The following PRKCA variants were observed in gnomAD, a reference collection of about 807,000 sequenced individuals.
The protein encoded by PRKCA is protein kinase C alpha type.
A neutral mutation model predicts 87.0 loss-of-function variants in PRKCA; 27 were observed. The ratio of observed to expected loss-of-function variants is 0.31; its 90% CI spans 0.23 to 0.43. The LOEUF (loss-of-function observed/expected upper bound fraction) is 0.43, where lower values mean the gene tolerates loss of function less well. PRKCA is among the 20% of genes least tolerant of loss of function. The probability of loss-of-function intolerance (pLI) is 1.00; values close to 1 mark genes in which losing one functional copy is unlikely to be tolerated. For synonymous variants in PRKCA, 329 were observed against 311.1 expected (o/e 1.06, Z -0.61); for missense variants, 518 against 852.3 (o/e 0.61, Z 4.88).
At chr17:66,303,351 C>T (rs947844083) in intron 1 of PRKCA, among the ~76,000 whole-genome samples, 1 of 152,282 alleles carries the variant, frequency 6.6e-6, no homozygotes, top group East Asian at 1.9e-4. Flanking sequence ...CGGCCGCTTG[C>T]CGGGGTGTGA....
intron 14 of PRKCA, among the ~76,000 whole-genome samples, chr17:66,781,866 G>GATATATATATATATAT (rs766995438): frequency 1.1e-4 from 14 of 132,796 alleles, no homozygotes; most frequent in African/African-American, 2.7e-4. Context: ...GAGAGAGAGA[G>GATATATATATATATAT]AGATATATAT....
chr17:66,385,916 C>A (rs1245276116), intron 2 of PRKCA, among the ~76,000 whole-genome samples: 1 of 152,170 alleles, frequency 6.6e-6, no homozygotes, highest in Non-Finnish European at 1.5e-5. Flanking sequence ...CACCACCACA[C>A]CCAGCTAATT....
At chr17:66,613,779 CTTTTT>C (rs57610655) in intron 3 of PRKCA, among the ~76,000 whole-genome samples, 3 of 69,416 alleles carry the variant, frequency 4.3e-5, no homozygotes, top group African/African-American at 6.1e-5. Flanking sequence ...TGACTTCATC[CTTTTT>C]TTTTTTTTTT....
intron 13 of PRKCA, among the ~76,000 whole-genome samples, chr17:66,748,441 A>T (rs1474338054): frequency 6.6e-6 from 1 of 152,186 alleles, no homozygotes; most frequent in Non-Finnish European, 1.5e-5. Flanking sequence ...CATATTAAAG[A>T]TGGGAGGAAT....
At chr17:66,582,693 G>A (rs1383889132) in intron 3 of PRKCA, among the ~76,000 whole-genome samples, 3 of 152,138 alleles carry the variant, frequency 2.0e-5, no homozygotes, top group African/African-American at 7.2e-5. Context: ...ACTAACACAG[G>A]ATTCTAGGCC....
At chr17:66,660,923 T>A (rs116585219) in intron 5 of PRKCA, among the ~76,000 whole-genome samples, 3,141 of 151,488 alleles carry the variant, frequency 0.021, 85 homozygotes, top group East Asian at 0.078. Flanking sequence ...ATAAATTAAT[T>A]AATTAATTAA....
chr17:66,384,956 C>T (rs1598629919), intron 2 of PRKCA, among the ~76,000 whole-genome samples: 6 of 152,122 alleles, frequency 3.9e-5, no homozygotes, highest in Admixed American at 3.3e-4. Flanking sequence ...AGTATGTGTC[C>T]GTAAATGCCT....
chr17:66,775,176 C>G (rs933919073), intron 14 of PRKCA: 2 of 963,258 alleles, frequency 2.1e-6, no homozygotes, highest in Admixed American at 6.2e-5. Context: ...TGGTCAGTGC[C>G]CACCCCCACA....
chr17:66,370,834 T>C (rs1024044013), intron 2 of PRKCA, among the ~76,000 whole-genome samples: 28 of 152,124 alleles, frequency 1.8e-4, no homozygotes, highest in African/African-American at 6.8e-4. Flanking sequence ...GAGAAGAATA[T>C]TGATGCCTAG....
chr17:66,322,678 T>C (rs1453111570), intron 2 of PRKCA, among the ~76,000 whole-genome samples: 3 of 150,996 alleles, frequency 2.0e-5, no homozygotes, highest in Non-Finnish European at 3.0e-5. Context: ...CTTGCTATGT[T>C]GTCCAGGTTG....
In PRKCA at chr17:66,775,461, G is replaced by A. The variant is rs570344807; in HGVS notation, c.1605+1394G>A. On this transcript the variant is annotated intron_variant, in intron 14 of 16. Transcript: ENST00000413366. The stretch of plus-strand genomic sequence containing the variant: ...GGCAGGAAGTATAGCATATCTGAGA[G>A]CTCAGCAGGGGAAGCAGGCTTGGTA... The A allele has an allele frequency of 2.0e-5, 20 of 985,422 alleles. No homozygotes were observed. In the South Asian group the frequency reaches 8.9e-4, roughly 44 times the overall value. 61.0% of individuals were successfully genotyped at this position (985,422 alleles called of 1,614,324 possible). A position where few individuals can be genotyped will look rare whatever the true frequency, so the allele number is the denominator to read the frequency against.
intron 2 of PRKCA, among the ~76,000 whole-genome samples, chr17:66,355,582 T>C (rs186910229): frequency 6.6e-6 from 1 of 152,316 alleles, no homozygotes; most frequent in East Asian, 1.9e-4. Context: ...ATTTCGACTT[T>C]TGAGAGTCAG....
At chr17:66,660,240 G>A (rs1971856369) in intron 5 of PRKCA, among the ~76,000 whole-genome samples, 2 of 152,202 alleles carry the variant, frequency 1.3e-5, no homozygotes, top group South Asian at 4.1e-4. Context: ...TCCAAGGGCT[G>A]TGTGCCAGTG....
intron 2 of PRKCA, among the ~76,000 whole-genome samples, chr17:66,375,462 G>A (rs1180968185): frequency 6.6e-6 from 1 of 152,096 alleles, no homozygotes; most frequent in Non-Finnish European, 1.5e-5. Context: ...TGGAGTCGAT[G>A]GTGCTTCTAG....
At chr17:66,555,129 C>T (rs1029021595) in intron 3 of PRKCA, among the ~76,000 whole-genome samples, 1 of 152,192 alleles carries the variant, frequency 6.6e-6, no homozygotes, top group Non-Finnish European at 1.5e-5. Flanking sequence ...CCACCTGCCT[C>T]GGCCTCCCAA....
Position 66,689,008 on chromosome 17 carries a change from G to T in PRKCA, c.879G>T (p.Gly293=). 1.2e-6 allele frequency: 2 copies of T among 1,602,000 alleles called. No homozygotes were observed. The highest frequency in any genetic ancestry group is 1.7e-6 in the Non-Finnish European group (2 of 1,174,812). The change falls in exon 8 of 17, where the codon GGG becomes GGT. Residue 293 remains glycine (G), a synonymous_variant. Transcript: ENST00000413366. The surrounding 1 kb of genome is among the most constrained non-coding windows in gnomAD (Gnocchi z 4.1). ...ACTACAACGTACCCATTCCGGAAGG[G>T]GACGAGGAAGGAAACATGGAACTCA... is the stretch of plus-strand genomic sequence containing the variant. ...GEYYNVPIPE[G]DEEGNMELRQ...
intron 5 of PRKCA, among the ~76,000 whole-genome samples, chr17:66,678,943 CAGAG>C (rs889319259): frequency 1.9e-4 from 29 of 151,532 alleles, no homozygotes; most frequent in African/African-American, 4.8e-4. Flanking sequence ...GTAACTGCAG[CAGAG>C]AGAGAGAGAA....
chr17:66,521,306 A>T lies in PRKCA; in HGVS notation c.288+25023A>T, dbSNP rs186032816. On this transcript the variant is annotated intron_variant, in intron 3 of 16. Coordinates refer to ENST00000413366, the MANE Select transcript of PRKCA (RefSeq NM_002737.3). The stretch of plus-strand genomic sequence containing the variant: ...ATAATGTCATATTATAGTGATGGCG[A>T]TCTATAGTGTAAAGTATAATGACCA... Among the ~76,000 whole-genome samples the T allele has an allele frequency of 6.3e-3, 965 of 152,252 alleles. 30 individuals carry two copies. The highest frequency in any genetic ancestry group is 0.055 in the Admixed American group (842 of 15,288).
chr17:66,611,975 C>T (rs1348440981), intron 3 of PRKCA, among the ~76,000 whole-genome samples: 5 of 151,896 alleles, frequency 3.3e-5, no homozygotes, highest in Non-Finnish European at 7.4e-5. Flanking sequence ...CTTTGGAGAG[C>T]ATGTATTCAA....
Sources: allele counts gnomAD v4.1 joint callset (sites outside exome capture counted in the v4.1 genomes callset), GRCh38; gene constraint gnomAD v4.1.1; non-coding constraint Gnocchi (gnomAD v3.1); transcripts MANE v1.5; gene names NCBI Gene and HGNC (gene_info 2026-07-23, HGNC 2026-07-21).